Variants in TMEFF2 observed in about 807,000 individuals in gnomAD.
The protein encoded by TMEFF2 is tomoregulin-2.
A neutral mutation model predicts 53.8 loss-of-function variants in TMEFF2; 28 were observed. The ratio of observed to expected loss-of-function variants is 0.52; its 90% CI spans 0.39 to 0.71. The LOEUF is 0.71. Ranked by LOEUF, TMEFF2 falls within the 30% of genes least tolerant of loss-of-function variation. The pLI, the probability that TMEFF2 is intolerant of heterozygous loss-of-function variation, is 0.00. For missense variants in TMEFF2, 353 were observed against 455.2 expected (o/e 0.78, Z 2.04); for synonymous variants, 162 against 166.3 (o/e 0.97, Z 0.20).
rs554808787 is a variant in TMEFF2, at chr2:192,091,723, A to T, written c.440-33948T>A. Reference sequence around the variant, plus strand: ...TCAAGTGCAATTTATCTGAAGGAAAATATTAATTTGGAGGTTATTATCACA... The same window carrying T: ...TCAAGTGCAATTTATCTGAAGGAAATTATTAATTTGGAGGTTATTATCACA... On this transcript the variant is annotated intron_variant, in intron 4 of 9. Coordinates refer to ENST00000272771, the MANE Select transcript of TMEFF2 (RefSeq NM_016192.4). Among the ~76,000 whole-genome samples, 5 of 152,178 alleles carry T rather than the reference A, an allele frequency of 3.3e-5. No homozygotes were observed. The South Asian group carries it at 8.3e-4, about 25-fold the overall frequency.
At chr2:192,103,891 G>A (rs1458107921) in intron 4 of TMEFF2, among the ~76,000 whole-genome samples, 4 of 151,692 alleles carry the variant, frequency 2.6e-5, no homozygotes, top group Admixed American at 2.0e-4. Flanking sequence ...AAAATCAGAG[G>A]AATAGCAGCG....
rs747213905 is a variant in TMEFF2 at position 191,956,071 on chromosome 2, T to C, written c.869+184A>G. ...TTGAGTGTGTAAGGTGCACATATTT[T>C]TGTTTTTTTTTAGTGTGTGAGTATG... On this transcript the variant is annotated intron_variant, in intron 8 of 9. Transcript: ENST00000272771. 1.6e-4 allele frequency among the ~76,000 whole-genome samples: 15 copies of C among 91,930 alleles called. 1 individual carries two copies. The highest frequency in any genetic ancestry group is 7.6e-4 in the Admixed American group (7 of 9,194). 60.3% of individuals were successfully genotyped at this position (91,930 alleles called of 152,430 possible).
chr2:192,040,822 G>A (rs1687457570), intron 5 of TMEFF2, among the ~76,000 whole-genome samples: 1 of 152,218 alleles, frequency 6.6e-6, no homozygotes, highest in Non-Finnish European at 1.5e-5. Context: ...ATAAATCTTT[G>A]TATACAGGGT....
chr2:191,977,263 G>A (rs1013269842), intron 7 of TMEFF2, among the ~76,000 whole-genome samples: 3 of 152,206 alleles, frequency 2.0e-5, no homozygotes, highest in African/African-American at 7.2e-5. Context: ...AGGCTAGAGG[G>A]CATGGATTGA....
intron 4 of TMEFF2, among the ~76,000 whole-genome samples, chr2:192,153,565 G>A (rs1690437357): frequency 6.6e-6 from 1 of 151,810 alleles, no homozygotes; most frequent in Non-Finnish European, 1.5e-5. Context: ...CAAATATTTT[G>A]CCAACCATGG....
At chr2:192,084,833 C>T (rs756440115) in intron 4 of TMEFF2, among the ~76,000 whole-genome samples, 4 of 152,186 alleles carry the variant, frequency 2.6e-5, no homozygotes, top group Non-Finnish European at 5.9e-5. Flanking sequence ...TTTACATTAA[C>T]ATTTTATCCA....
At chr2:192,090,039 T>G (rs1454053486) in intron 4 of TMEFF2, among the ~76,000 whole-genome samples, 1 of 152,212 alleles carries the variant, frequency 6.6e-6, no homozygotes, top group East Asian at 1.9e-4. Flanking sequence ...ATAATTGATC[T>G]GCTTCTCTTT....
chr2:191,969,561 CAAG>C (rs1692575101), intron 7 of TMEFF2, among the ~76,000 whole-genome samples: 1 of 152,132 alleles, frequency 6.6e-6, no homozygotes, highest in Non-Finnish European at 1.5e-5. Context: ...TCATGAAAGA[CAAG>C]AAGGATATCC....
chr2:192,056,351 G>T (rs993238312), intron 5 of TMEFF2, among the ~76,000 whole-genome samples: 1 of 151,830 alleles, frequency 6.6e-6, no homozygotes, highest in African/African-American at 2.4e-5. Flanking sequence ...GAAGGGGAAA[G>T]ACAGGGAGGG....
chr2:192,055,714 G>A (rs1384397037), intron 5 of TMEFF2, among the ~76,000 whole-genome samples: 3 of 138,020 alleles, frequency 2.2e-5, no homozygotes, highest in Non-Finnish European at 4.5e-5. Context: ...GGCGGAGGTT[G>A]CAGTGAGTTG....
At chr2:191,955,968 T>C (rs1692070954) in intron 8 of TMEFF2, among the ~76,000 whole-genome samples, 1 of 152,172 alleles carries the variant, frequency 6.6e-6, no homozygotes, top group Non-Finnish European at 1.5e-5. Context: ...ATGGAGGAAC[T>C]TGTACCTTTA....
chr2:192,118,499 T>G (rs1689470827), intron 4 of TMEFF2, among the ~76,000 whole-genome samples: 1 of 152,182 alleles, frequency 6.6e-6, no homozygotes. Context: ...AGCTCTGAAG[T>G]GCCCTCCTTG....
At chr2:192,004,407 C>A (rs1189514088) in intron 5 of TMEFF2, among the ~76,000 whole-genome samples, 1 of 152,126 alleles carries the variant, frequency 6.6e-6, no homozygotes, top group African/African-American at 2.4e-5. Flanking sequence ...GTTTCAGGCA[C>A]CAATATAATT....
intron 5 of TMEFF2, among the ~76,000 whole-genome samples, chr2:192,049,461 TA>T: frequency 6.6e-6 from 1 of 152,332 alleles, no homozygotes; most frequent in Admixed American, 6.5e-5. Context: ...CACACTTTGA[TA>T]ACTACAATGA....
chr2:192,184,260 C>T, intron 3 of TMEFF2, 94 bp downstream of exon 3: 1 of 1,460,582 alleles, frequency 6.8e-7, no homozygotes, highest in Non-Finnish European at 9.3e-7. Context: ...AACATATAAT[C>T]TGAATTATTT....
rs1051651375 is a variant in TMEFF2, at chr2:191,951,995, G to A, written c.1029-1588C>T. On this transcript the variant is annotated intron_variant, in intron 9 of 9. Coordinates refer to ENST00000272771, the MANE Select transcript of TMEFF2 (RefSeq NM_016192.4). The stretch of plus-strand genomic sequence containing the variant: ...ACACAAAATCCTTCCCAGACACAGT[G>A]CAGTATGAGCATGGTGAAGTGTCCA... Among the ~76,000 whole-genome samples, 35 of 152,140 alleles carry A rather than the reference G, an allele frequency of 2.3e-4. 1 individual carries two copies. The highest frequency in any genetic ancestry group is 6.5e-4 in the Admixed American group (10 of 15,284).
chr2:191,969,153 G>GTA (rs1008206232), intron 7 of TMEFF2, among the ~76,000 whole-genome samples: 8 of 150,900 alleles, frequency 5.3e-5, no homozygotes, highest in African/African-American at 2.0e-4. Flanking sequence ...GTGTGTGTGT[G>GTA]TATATATATA....
intron 4 of TMEFF2, among the ~76,000 whole-genome samples, chr2:192,170,649 G>A (rs1690886907): frequency 6.6e-6 from 1 of 152,002 alleles, no homozygotes; most frequent in Non-Finnish European, 1.5e-5. Flanking sequence ...AATGAATGCA[G>A]TTTAAATAAC....
At chr2:192,019,430 A>C (rs1686813201) in intron 5 of TMEFF2, among the ~76,000 whole-genome samples, 1 of 150,388 alleles carries the variant, frequency 6.6e-6, no homozygotes, top group Non-Finnish European at 1.5e-5. Flanking sequence ...TTTAAATAAC[A>C]AAAAAAATAA....
Sources: gnomAD v4.1 joint callset for allele counts (sites outside exome capture counted in the v4.1 genomes callset) on GRCh38, gnomAD v4.1.1 for gene constraint, MANE v1.5 for transcripts, NCBI Gene and HGNC (gene_info 2026-07-23, HGNC 2026-07-21) for gene names.